The following CLVS1 variants were observed in gnomAD, a reference collection of about 807,000 sequenced individuals.
CLVS1 encodes clavesin 1, also known as clavesin-1.
CLVS1 carries 10 observed loss-of-function variants against 33.1 expected under a neutral mutation model. The observed-to-expected ratio is 0.30, with a 90% CI of 0.19 to 0.51. CLVS1 has a LOEUF of 0.51. CLVS1 is among the 20% of genes least tolerant of loss of function. The pLI is 0.97. For missense variants in CLVS1, 343 were observed against 433.4 expected, an observed-to-expected ratio of 0.79 and a Z score of 1.85; for synonymous variants, 163 against 166.1, an observed-to-expected ratio of 0.98 and a Z score of 0.14.
At chr8:61,089,035 C>T (rs1008011144) in intron 1 of CLVS1, among the ~76,000 whole-genome samples, 1 of 152,052 alleles carries the variant, frequency 6.6e-6, no homozygotes, top group Non-Finnish European at 1.5e-5. Context: ...ATCTCCTGAC[C>T]TCGTGATCTG....
At chr8:61,104,032 TG>T (rs1392492729) in intron 1 of CLVS1, among the ~76,000 whole-genome samples, 1 of 152,238 alleles carries the variant, frequency 6.6e-6, no homozygotes, top group African/African-American at 2.4e-5. Flanking sequence ...TACTTTTATC[TG>T]TTGTTCACTT....
intron 2 of CLVS1, chr8:61,202,579 G>A: frequency 1.6e-6 from 2 of 1,270,224 alleles, no homozygotes; most frequent in East Asian, 2.4e-5. Context: ...AGTAACACTG[G>A]CAACTTTGAA....
At position 61,315,544 on chromosome 8, in the gene CLVS1, T is replaced by G. The variant is rs556505315; in HGVS notation, c.455+15262T>G. 3.3e-5 allele frequency among the ~76,000 whole-genome samples: 5 copies of G among 152,256 alleles called. No individual in the cohort carries two copies. In the East Asian group the frequency reaches 9.6e-4, roughly 29 times the overall value. ...ATGGCCACAATTTTCATATTTATAC[T>G]GCTTTGGTCCCTCCAGTACCCAGAT... On this transcript the variant is annotated intron_variant, in intron 2 of 5. Coordinates refer to ENST00000325897, the MANE Select transcript of CLVS1 (RefSeq NM_173519.3).
chr8:61,337,210 A>G (rs1811839243), intron 2 of CLVS1, among the ~76,000 whole-genome samples: 1 of 152,194 alleles, frequency 6.6e-6, no homozygotes, highest in Admixed American at 6.5e-5. Flanking sequence ...GTTCGGCCCT[A>G]CCTATGTTTT....
At chr8:61,149,865 T>C (rs1806493324) in intron 2 of CLVS1, among the ~76,000 whole-genome samples, 1 of 152,188 alleles carries the variant, frequency 6.6e-6, no homozygotes, top group Non-Finnish European at 1.5e-5. Context: ...AAATATATTT[T>C]ATACTTAAAA....
chr8:61,422,542 T>G (rs186070994), intron 3 of CLVS1, among the ~76,000 whole-genome samples: 32 of 152,342 alleles, frequency 2.1e-4, no homozygotes, highest in Admixed American at 1.9e-3. Context: ...TCTCCATCAT[T>G]TTGTCCAATT....
At chr8:61,109,021 A>G (rs1042415395) in intron 1 of CLVS1, among the ~76,000 whole-genome samples, 3 of 152,156 alleles carry the variant, frequency 2.0e-5, no homozygotes, top group Admixed American at 6.5e-5. Context: ...GTTGGGATTC[A>G]CATATATAAT....
chr8:61,033,850 T>C, the CLVS1 span, among the ~76,000 whole-genome samples: 3 of 152,206 alleles, frequency 2.0e-5, no homozygotes, highest in Non-Finnish European at 4.4e-5. Context: ...ATATGACATT[T>C]ATATTGAGAA....
chr8:61,275,998 A>C (rs1809555318), intron 2 of CLVS1, among the ~76,000 whole-genome samples: 1 of 152,222 alleles, frequency 6.6e-6, no homozygotes. Context: ...ATTGAGAGTC[A>C]CTGCTACATC....
At chr8:61,096,966 A>G (rs1323761781) in intron 1 of CLVS1, among the ~76,000 whole-genome samples, 1 of 152,138 alleles carries the variant, frequency 6.6e-6, no homozygotes, top group Non-Finnish European at 1.5e-5. Context: ...ATCCTGCAGG[A>G]TTCTGTGAAC....
At chr8:61,357,041 T>G (rs1011481847) in intron 2 of CLVS1, among the ~76,000 whole-genome samples, 1 of 152,198 alleles carries the variant, frequency 6.6e-6, no homozygotes, top group Non-Finnish European at 1.5e-5. Context: ...TCTTCCTACC[T>G]ATGAGCATGG....
At chr8:61,463,303 C>G (rs1312622105) in intron 5 of CLVS1, among the ~76,000 whole-genome samples, 2 of 151,978 alleles carry the variant, frequency 1.3e-5, no homozygotes, top group African/African-American at 2.4e-5. Context: ...AAAACTTTCT[C>G]CATATCAGCA....
Position 61,157,372 on chromosome 8 carries a change from C to T in CLVS1, c.-152+25512C>T, listed in dbSNP as rs142745388. On this transcript the variant is annotated intron_variant, in intron 2 of 2. Coordinates refer to the CLVS1 transcript ENST00000522621. ...AAATCAAGATGTTTGACTTATCTAG[C>T]CATACACAAGAATCAACTGAAGATG... Among the ~76,000 whole-genome samples, 537 of 152,110 alleles carry T rather than the reference C, an allele frequency of 3.5e-3. 3 individuals are homozygous for T. The highest frequency in any genetic ancestry group is 3.7e-3 in the Non-Finnish European group (251 of 67,974).
At chr8:61,061,419 G>A (rs117772960) in intron 1 of CLVS1, among the ~76,000 whole-genome samples, 1,705 of 152,174 alleles carry the variant, frequency 0.011, 18 homozygotes, top group Middle Eastern at 0.034. Flanking sequence ...TTGCTACCAG[G>A]CCATCAGCTG....
chr8:61,475,345 G>C lies in CLVS1; in HGVS notation c.977+16803G>C, dbSNP rs922486122. 1.1e-4 allele frequency among the ~76,000 whole-genome samples: 17 copies of C among 152,272 alleles called. 1 individual carries two copies. The highest frequency in any genetic ancestry group is 4.6e-4 in the Admixed American group (7 of 15,292). Reference sequence around the variant, plus strand: ...ATGGCTGGGTCAAATGGTATTTCTAGTTCTAGATCCCTGAGGAATCGCCAC... The same window carrying C: ...ATGGCTGGGTCAAATGGTATTTCTACTTCTAGATCCCTGAGGAATCGCCAC... On this transcript the variant is annotated intron_variant, in intron 5 of 5. Coordinates refer to ENST00000325897, the MANE Select transcript of CLVS1 (RefSeq NM_173519.3).
chr8:61,263,785 C>A (rs553794778), intron 2 of CLVS1, among the ~76,000 whole-genome samples: 1 of 152,296 alleles, frequency 6.6e-6, no homozygotes, highest in East Asian at 1.9e-4. Flanking sequence ...AAGCATTAGA[C>A]CTTCCTCATT....
intron 2 of CLVS1, among the ~76,000 whole-genome samples, chr8:61,309,338 A>G (rs772661185): frequency 1.2e-4 from 19 of 152,178 alleles, no homozygotes; most frequent in Non-Finnish European, 2.8e-4. Context: ...CACATACTAA[A>G]TGGTTACAGT....
intron 2 of CLVS1, among the ~76,000 whole-genome samples, chr8:61,305,044 G>A (rs759212051): frequency 2.0e-5 from 3 of 151,984 alleles, no homozygotes; most frequent in Admixed American, 1.3e-4. Context: ...TGAGCAAGTT[G>A]CTTAAATCCT....
At chr8:61,269,289 C>T (rs1229167184) in intron 2 of CLVS1, among the ~76,000 whole-genome samples, 2 of 152,194 alleles carry the variant, frequency 1.3e-5, no homozygotes, top group African/African-American at 2.4e-5. Flanking sequence ...TCTCCCATTT[C>T]TTGTTTTTGT....
Sources: allele counts gnomAD v4.1 joint callset (sites outside exome capture counted in the v4.1 genomes callset), GRCh38; gene constraint gnomAD v4.1.1; transcripts MANE v1.5; gene names NCBI Gene and HGNC (gene_info 2026-07-23, HGNC 2026-07-21).